RABL3: variants seen among roughly 807,000 people sequenced by gnomAD.
RABL3 encodes the protein rab-like protein 3.
A neutral mutation model predicts 31.8 loss-of-function variants in RABL3; 31 were observed. The ratio of observed to expected loss-of-function variants is 0.97; its 90% CI spans 0.73 to 1.31. The LOEUF (loss-of-function observed/expected upper bound fraction) is 1.31. RABL3 is among the 40% of genes most tolerant of loss of function. The pLI is 0.00. For synonymous variants in RABL3, 97 were observed against 99.9 expected (o/e 0.97, Z 0.18); for missense variants, 263 against 279.6 (o/e 0.94, Z 0.42).
At chr3:120,693,237 C>T (rs767320620) in intron 6 of RABL3, among the ~76,000 whole-genome samples, 28 of 151,976 alleles carry the variant, frequency 1.8e-4, no homozygotes, top group Non-Finnish European at 3.2e-4. Context: ...TAATATTAAT[C>T]GAGGAGGGTG....
chr3:120,690,420 T>C lies in RABL3; in HGVS notation c.645+29A>G, dbSNP rs765139645. On this transcript the variant is annotated intron_variant, in intron 7 of 7. Transcript: ENST00000273375. The stretch of plus-strand genomic sequence containing the variant: ...GAAATCACCTATCAAAATTTAAGAA[T>C]CTATTTTATCAAGAAAAGAGATACC... 10 of 1,474,058 alleles carry C rather than the reference T, an allele frequency of 6.8e-6. No individual in the cohort carries two copies. The South Asian group carries it at 1.2e-4, about 17-fold the overall frequency. The allele number at this position is 1,474,058 out of a possible 1,614,324, so 91.3% of individuals were successfully genotyped here.
chr3:120,689,431 C>T lies in RABL3; in HGVS notation c.*392G>A, dbSNP rs151337384. On this transcript the variant is annotated 3_prime_UTR_variant, in exon 8 of 8. Coordinates refer to ENST00000273375, the MANE Select transcript of RABL3 (RefSeq NM_173825.5). ...TCAAGAAGGTAAAACAATGGAGATA[C>T]GTTTTTGAAGTACTTAATTAAGCTT... is the stretch of plus-strand genomic sequence containing the variant. 161 of 157,226 alleles carry T rather than the reference C, an allele frequency of 1.0e-3. 5 individuals are homozygous for T. In the East Asian group the frequency reaches 0.024, roughly 24 times the overall value. The allele number at this position is 157,226 out of a possible 1,614,324, so 9.7% of individuals were successfully genotyped here.
At chr3:120,721,736 T>C (rs1245864423) in intron 2 of RABL3, among the ~76,000 whole-genome samples, 1 of 152,142 alleles carries the variant, frequency 6.6e-6, no homozygotes. Flanking sequence ...ATGGGAGACT[T>C]TAACACACCA....
Position 120,698,511 on chromosome 3 carries a change from A to G in RABL3, c.446T>C (p.Leu149Pro). 1 of 1,613,866 alleles carries G rather than the reference A, an allele frequency of 6.2e-7. No individual in the cohort carries two copies. Among genetic ancestry groups the G allele is most frequent in the Non-Finnish European group, 8.5e-7 (1 of 1,179,768 alleles). The change falls in exon 5 of 8, where the codon CTG becomes CCG. Residue 149 changes from leucine (L) to proline (P), a missense_variant. Physicochemically the swap from Leu to Pro is moderately conservative, Grantham distance 98. Coordinates refer to ENST00000273375, the MANE Select transcript of RABL3 (RefSeq NM_173825.5). ...GCGCTTTGTTTCATGAATCTGGTCC[A>G]GTTTAGTCCCTATTACCAACAGTGG... ...QIPLLVIGTK[L>P]DQIHETKRHE... is the part of the protein sequence containing the mutation.
At chr3:120,731,521 G>GAAATCTA (rs1358459048) in intron 1 of RABL3, among the ~76,000 whole-genome samples, 13 of 152,150 alleles carry the variant, frequency 8.5e-5, no homozygotes, top group African/African-American at 3.1e-4. Flanking sequence ...TCATTCTAAG[G>GAAATCTA]GTAGCATTGA....
chr3:120,686,458 T>C lies in RABL3; in HGVS notation c.*3365A>G, dbSNP rs964449656. Among the ~76,000 whole-genome samples the C allele has an allele frequency of 1.4e-5, 2 of 146,714 alleles. No individual in the cohort carries two copies. Among genetic ancestry groups the C allele is most frequent in the East Asian group, 5.0e-4 (2 of 3,988 alleles). ...CTCAGTCTGATGTCCCTGCACATCA[T>C]TTCCATGAAGTCCATGTCAGAATGA... On this transcript the variant is annotated 3_prime_UTR_variant, in exon 8 of 8. Transcript: ENST00000273375.
intron 3 of RABL3, among the ~76,000 whole-genome samples, chr3:120,706,837 T>C (rs1486605809): frequency 6.6e-6 from 1 of 151,966 alleles, no homozygotes; most frequent in Admixed American, 6.6e-5. Context: ...TGCACGGATT[T>C]TGATAGATTG....
At chr3:120,719,822 G>A (rs1708715345) in intron 2 of RABL3, among the ~76,000 whole-genome samples, 1 of 152,230 alleles carries the variant, frequency 6.6e-6, no homozygotes, top group African/African-American at 2.4e-5. Context: ...CTGTCTGACA[G>A]CTTTGAAGAG....
At chr3:120,737,320 T>C (rs1189379285) in intron 1 of RABL3, among the ~76,000 whole-genome samples, 1 of 152,268 alleles carries the variant, frequency 6.6e-6, no homozygotes, top group African/African-American at 2.4e-5. Flanking sequence ...TCAAATCGGC[T>C]ACTGAAGCTT....
rs368205739 is a variant in RABL3 at position 120,717,113 on chromosome 3, A to G, written c.139-7204T>C. ...ACTCAAAATACAAAAAAATTTAGCC[A>G]GGCGTGGTGGTGGGTGCCTGTAATC... is the stretch of plus-strand genomic sequence containing the variant. On this transcript the variant is annotated intron_variant, in intron 2 of 7. Transcript: ENST00000273375. Among the ~76,000 whole-genome samples, 119 of 152,090 alleles carry G rather than the reference A, an allele frequency of 7.8e-4. 1 individual carries two copies. The highest frequency in any genetic ancestry group is 2.8e-3 in the African/African-American group (115 of 41,500).
chr3:120,725,593 T>C (rs1468477059), intron 2 of RABL3, among the ~76,000 whole-genome samples: 1 of 152,234 alleles, frequency 6.6e-6, no homozygotes, highest in Non-Finnish European at 1.5e-5. Flanking sequence ...GTGGCACATA[T>C]ACACCATGGA....
chr3:120,708,671 T>G (rs1162005274), intron 3 of RABL3, among the ~76,000 whole-genome samples: 1 of 152,068 alleles, frequency 6.6e-6, no homozygotes, highest in Admixed American at 6.5e-5. Flanking sequence ...CTTATTTATA[T>G]GCATTCTATT....
intron 2 of RABL3, among the ~76,000 whole-genome samples, chr3:120,729,672 T>C (rs1474957647): frequency 1.3e-5 from 2 of 151,964 alleles, no homozygotes. Flanking sequence ...AATGAAAAAC[T>C]GTATAGATAT....
intron 2 of RABL3, among the ~76,000 whole-genome samples, chr3:120,728,197 G>A (rs1176550518): frequency 1.3e-5 from 2 of 152,164 alleles, no homozygotes; most frequent in Admixed American, 6.5e-5. Context: ...GCAGAAAATT[G>A]GACTAAAGTT....
intron 2 of RABL3, among the ~76,000 whole-genome samples, chr3:120,712,082 A>C (rs781694926): frequency 3.9e-5 from 6 of 152,224 alleles, no homozygotes; most frequent in Non-Finnish European, 7.3e-5. Context: ...AAAATGCACT[A>C]AAACTCACAT....
chr3:120,736,790 G>A (rs558056607), intron 1 of RABL3, among the ~76,000 whole-genome samples: 42 of 152,288 alleles, frequency 2.8e-4, no homozygotes, highest in African/African-American at 9.1e-4. Context: ...CTTCATTTAT[G>A]AAGCTTAGTT....
intron 6 of RABL3, among the ~76,000 whole-genome samples, chr3:120,693,908 T>C (rs1023578520): frequency 5.9e-5 from 9 of 152,116 alleles, no homozygotes; most frequent in African/African-American, 2.2e-4. Flanking sequence ...GAATTAGATA[T>C]CTTTTTAAAA....
intron 1 of RABL3, among the ~76,000 whole-genome samples, chr3:120,732,513 TGGA>T (rs1708897742): frequency 6.6e-6 from 1 of 152,180 alleles, no homozygotes; most frequent in Non-Finnish European, 1.5e-5. Flanking sequence ...TTATTTGCAG[TGGA>T]GAAGAATGCC....
At chr3:120,732,756 C>A (rs1181670970) in intron 1 of RABL3, among the ~76,000 whole-genome samples, 1 of 143,410 alleles carries the variant, frequency 7.0e-6, no homozygotes, top group Admixed American at 7.1e-5. Flanking sequence ...ATGTTCCCTT[C>A]CTGTGTCCAA....
Sources: allele counts gnomAD v4.1 joint callset (sites outside exome capture counted in the v4.1 genomes callset), GRCh38; gene constraint gnomAD v4.1.1; transcripts MANE v1.5; gene names NCBI Gene and HGNC (gene_info 2026-07-23, HGNC 2026-07-21).